SPATS2L: variants seen among roughly 807,000 people sequenced by gnomAD.
SPATS2L encodes the protein spermatogenesis associated serine rich 2 like, also known as SPATS2-like protein.
SPATS2L carries 30 observed loss-of-function variants against 59.6 expected under a neutral mutation model. The ratio of observed to expected loss-of-function variants is 0.50; its 90% CI spans 0.38 to 0.68. The LOEUF (loss-of-function observed/expected upper bound fraction) is 0.68. SPATS2L is among the 30% of genes least tolerant of loss of function. The probability of loss-of-function intolerance (pLI) is 0.00; values close to 1 mark genes in which losing one functional copy is unlikely to be tolerated. For synonymous variants in SPATS2L, 252 were observed against 263.5 expected, an observed-to-expected ratio of 0.96 and a Z score of 0.42; for missense variants, 615 against 700.0, an observed-to-expected ratio of 0.88 and a Z score of 1.37.
chr2:200,335,826 G>GA (rs1249062748), intron 2 of SPATS2L, among the ~76,000 whole-genome samples: 1 of 152,164 alleles, frequency 6.6e-6, no homozygotes, highest in East Asian at 1.9e-4. Context: ...TATGGTAACT[G>GA]ATGGCAACTG....
intron 1 of SPATS2L, among the ~76,000 whole-genome samples, chr2:200,314,692 G>A (rs1220157569): frequency 6.6e-6 from 1 of 152,144 alleles, no homozygotes; most frequent in Admixed American, 6.5e-5. Context: ...AGAAATGATA[G>A]GAGGGATGGG....
chr2:200,435,510 G>A lies in SPATS2L; in HGVS notation c.446-3612G>A, dbSNP rs562480636. Among the ~76,000 whole-genome samples, 13 of 151,956 alleles carry A rather than the reference G, an allele frequency of 8.6e-5. No individual in the cohort carries two copies. In the South Asian group the frequency reaches 2.7e-3, roughly 32 times the overall value. ...ACACAGCCAGAGACTCATATCAAAC[G>A]AGGCTCCCTACAACTGGAAGGGCCG... On this transcript the variant is annotated intron_variant, in intron 6 of 12. Coordinates refer to ENST00000409140, the MANE Select transcript of SPATS2L (RefSeq NM_001100423.2).
chr2:200,344,009 A>G (rs189854192), intron 2 of SPATS2L, among the ~76,000 whole-genome samples: 1 of 152,130 alleles, frequency 6.6e-6, no homozygotes, highest in East Asian at 1.9e-4. Context: ...TACTGCTTTC[A>G]TAATAAGCAG....
At chr2:200,455,211 A>G (rs923979063) in intron 8 of SPATS2L, among the ~76,000 whole-genome samples, 19 of 152,376 alleles carry the variant, frequency 1.2e-4, no homozygotes, top group Admixed American at 3.3e-4. Context: ...ATCACTATCA[A>G]GAAATTTTTA....
Position 200,473,081 on chromosome 2 carries a change from AG to A in SPATS2L, c.1281+31del. 8 of 1,421,112 alleles carry A rather than the reference AG, an allele frequency of 5.6e-6. No homozygotes were observed. In the Admixed American group the frequency reaches 7.2e-5, roughly 13 times the overall value. 88.0% of individuals were successfully genotyped at this position (1,421,112 alleles called of 1,614,324 possible). Reference sequence around the variant, plus strand: ...AGCCGACACTGGTGCAGGGTGCCAGAGGAAAAAAAAAAAAAAACCTGTTTCC... The same window carrying A: ...AGCCGACACTGGTGCAGGGTGCCAGAGAAAAAAAAAAAAAAACCTGTTTCC... On this transcript the variant is annotated intron_variant, in intron 12 of 12. Coordinates refer to ENST00000409140, the MANE Select transcript of SPATS2L (RefSeq NM_001100423.2).
At chr2:200,329,041 C>G (rs755177181) in intron 1 of SPATS2L, among the ~76,000 whole-genome samples, 3 of 152,174 alleles carry the variant, frequency 2.0e-5, no homozygotes, top group East Asian at 3.8e-4. Flanking sequence ...CAGGGCCTAC[C>G]TCAGAGTATT....
intron 1 of SPATS2L, chr2:200,309,146 G>A (rs1161670299): frequency 5.6e-6 from 4 of 717,424 alleles, no homozygotes; most frequent in South Asian, 3.0e-5. Context: ...TCACTTTGGG[G>A]CCTAATTTTT....
intron 8 of SPATS2L, among the ~76,000 whole-genome samples, chr2:200,446,649 G>A (rs1346310227): frequency 6.6e-6 from 1 of 152,070 alleles, no homozygotes; most frequent in Non-Finnish European, 1.5e-5. Context: ...TGAGAGAAGA[G>A]TGCCTCATTT....
chr2:200,353,283 C>T (rs557348994), intron 2 of SPATS2L, among the ~76,000 whole-genome samples: 4 of 152,268 alleles, frequency 2.6e-5, no homozygotes, highest in East Asian at 1.9e-4. Flanking sequence ...TTGATCGCTG[C>T]GTTGAAATTT....
At chr2:200,317,111 G>A (rs1462861315) in intron 1 of SPATS2L, among the ~76,000 whole-genome samples, 1 of 152,130 alleles carries the variant, frequency 6.6e-6, no homozygotes, top group Non-Finnish European at 1.5e-5. Context: ...TGCTGAAAAG[G>A]GCACTTCAAA....
At chr2:200,448,244 C>A (rs186239209) in intron 8 of SPATS2L, among the ~76,000 whole-genome samples, 378 of 152,282 alleles carry the variant, frequency 2.5e-3, no homozygotes, top group African/African-American at 7.9e-3. Context: ...GAGTTAGAGA[C>A]CAGCCTGGCC....
At chr2:200,372,270 C>T (rs1361832901) in intron 2 of SPATS2L, 1 of 865,682 alleles carries the variant, frequency 1.2e-6, no homozygotes, top group East Asian at 1.2e-4. Context: ...ATTCCCTCTC[C>T]ATTATCCTCA....
rs1559123287 is a variant in SPATS2L, at chr2:200,428,243, G to GT, written c.445+8749dup. Among the ~76,000 whole-genome samples the GT allele has an allele frequency of 2.0e-5, 3 of 152,190 alleles. No homozygotes were observed. The South Asian group carries it at 6.2e-4, about 31-fold the overall frequency. On this transcript the variant is annotated intron_variant, in intron 6 of 12. Coordinates refer to ENST00000409140, the MANE Select transcript of SPATS2L (RefSeq NM_001100423.2). Reference sequence around the variant, plus strand: ...CCAAATAAACTGCTCTAGGTAAGCTGTTATAGGTAAGTTTAGCAATGGCCT... The same window carrying GT: ...CCAAATAAACTGCTCTAGGTAAGCTGTTTATAGGTAAGTTTAGCAATGGCCT...
At chr2:200,334,174 G>A (rs2080058445) in intron 2 of SPATS2L, among the ~76,000 whole-genome samples, 1 of 152,096 alleles carries the variant, frequency 6.6e-6, no homozygotes. Flanking sequence ...GTTGTTTCCT[G>A]ACTTTTTAAT....
intron 2 of SPATS2L, among the ~76,000 whole-genome samples, chr2:200,346,107 T>C (rs2080503415): frequency 6.6e-6 from 1 of 152,200 alleles, no homozygotes; most frequent in African/African-American, 2.4e-5. Context: ...GCAGATGTCA[T>C]AGTATTACAA....
At position 200,402,796 on chromosome 2, in the gene SPATS2L, T is replaced by C. The variant is rs542006510; in HGVS notation, c.40-9515T>C. On this transcript the variant is annotated intron_variant, in intron 3 of 12. Transcript: ENST00000409140. Reference sequence around the variant, plus strand: ...GAGGGAAGTTTTTATGGTAATACTCTAGCCTCTGTACTTGGCCATGGCCTA... The same window carrying C: ...GAGGGAAGTTTTTATGGTAATACTCCAGCCTCTGTACTTGGCCATGGCCTA... Among the ~76,000 whole-genome samples, 13 of 152,360 alleles carry C rather than the reference T, an allele frequency of 8.5e-5. No homozygotes were observed. In the South Asian group the frequency reaches 2.7e-3, roughly 32 times the overall value.
rs553201196 is a variant in SPATS2L at position 200,319,882 on chromosome 2, T to G, written c.-72-9549T>G. Among the ~76,000 whole-genome samples the G allele has an allele frequency of 2.6e-5, 4 of 152,338 alleles. No homozygotes were observed. In the South Asian group the frequency reaches 8.3e-4, roughly 32 times the overall value. ...CTTTACATACATTTATCCTTCTACA[T>G]TTTGTCTCTTTTTGTTAAATTATTT... On this transcript the variant is annotated intron_variant, in intron 1 of 12. Coordinates refer to ENST00000409140, the MANE Select transcript of SPATS2L (RefSeq NM_001100423.2).
At chr2:200,319,654 A>G (rs1403016050) in intron 1 of SPATS2L, among the ~76,000 whole-genome samples, 2 of 150,720 alleles carry the variant, frequency 1.3e-5, no homozygotes, top group African/African-American at 2.4e-5. Context: ...CCAGGCTGCT[A>G]TTCACTCCCT....
At chr2:200,306,468 C>A, upstream of SPATS2L, 9 of 1,001,768 alleles carry the variant, frequency 9.0e-6, no homozygotes, top group South Asian at 4.7e-5. Flanking sequence ...GGGAAAGGAG[C>A]TAGGGAGGGC....
Sources: gnomAD v4.1 joint callset for allele counts (sites outside exome capture counted in the v4.1 genomes callset) on GRCh38, gnomAD v4.1.1 for gene constraint, MANE v1.5 for transcripts, NCBI Gene and HGNC (gene_info 2026-07-23, HGNC 2026-07-21) for gene names.